Variants in OR14I1 observed in about 807,000 individuals in gnomAD.
The protein encoded by OR14I1 is olfactory receptor family 14 subfamily I member 1, also known as olfactory receptor 14I1.
For synonymous variants in OR14I1, 118 were observed against 71.1 expected (o/e 1.66, Z -3.32); for missense variants, 279 against 181.8 (o/e 1.53, Z -3.07).
At chr1:248,685,488 A>G (rs559910240), upstream of OR14I1, among the ~76,000 whole-genome samples, 3 of 152,298 alleles carry the variant, frequency 2.0e-5, no homozygotes, top group South Asian at 4.1e-4. Context: ...GGAGTATACT[A>G]TCTCCCGGGT....
chr1:248,687,432 C>T, the OR14I1 span, among the ~76,000 whole-genome samples: 8 of 152,270 alleles, frequency 5.3e-5, no homozygotes, highest in South Asian at 4.1e-4. Context: ...TTCTCATCTT[C>T]CTCCAAATCT....
chr1:248,682,802 T>C (rs1661587976), upstream of OR14I1, among the ~76,000 whole-genome samples: 5 of 152,224 alleles, frequency 3.3e-5, no homozygotes, highest in Admixed American at 3.3e-4. Flanking sequence ...TTGAATAAAT[T>C]GGGTGGTAAG....
At chr1:248,681,437 G>A (rs749745268) in exon 1 of OR14I1, 6 of 780,786 alleles carry the variant, frequency 7.7e-6, no homozygotes, top group Admixed American at 3.4e-5. Context: ...TTATTCCTAA[G>A]ACTATATATG....
At chr1:248,690,992 C>T in the OR14I1 span, among the ~76,000 whole-genome samples, 5 of 152,236 alleles carry the variant, frequency 3.3e-5, 1 homozygote, top group South Asian at 8.3e-4. Flanking sequence ...TGACAAAAAC[C>T]ACATGATTAT....
the OR14I1 span, among the ~76,000 whole-genome samples, chr1:248,690,814 G>A: frequency 4.0e-5 from 6 of 150,566 alleles, no homozygotes; most frequent in South Asian, 2.1e-4. Context: ...CACCAATATC[G>A]CTGATGAACA....
upstream of OR14I1, among the ~76,000 whole-genome samples, chr1:248,684,357 C>T (rs1355522432): frequency 2.0e-5 from 3 of 152,226 alleles, no homozygotes; most frequent in East Asian, 1.9e-4. Flanking sequence ...AGGGACGAAG[C>T]TCTTTGCTGC....
At chr1:248,678,251 T>C (rs1661507018), downstream of OR14I1, among the ~76,000 whole-genome samples, 1 of 152,198 alleles carries the variant, frequency 6.6e-6, no homozygotes, top group South Asian at 2.1e-4. Context: ...GTCATGAGGG[T>C]GTCCACAGGG....
downstream of OR14I1, among the ~76,000 whole-genome samples, chr1:248,680,363 G>A (rs1183357085): frequency 6.6e-6 from 1 of 152,222 alleles, no homozygotes; most frequent in African/African-American, 2.4e-5. Flanking sequence ...AGTGCCTAAT[G>A]GAGAGGTCAG....
upstream of OR14I1, among the ~76,000 whole-genome samples, chr1:248,684,755 TAC>T (rs1273119732): frequency 9.7e-3 from 104 of 10,750 alleles, no homozygotes; most frequent in Admixed American, 0.018. Context: ...TACACACACA[TAC>T]ATATATATAT....
chr1:248,685,540 C>A (rs190581257), upstream of OR14I1, among the ~76,000 whole-genome samples: 1 of 152,044 alleles, frequency 6.6e-6, no homozygotes, highest in East Asian at 1.9e-4. Flanking sequence ...AAAACTGCCA[C>A]GTGGCCAATT....
chr1:248,694,960 G>T, the OR14I1 span, among the ~76,000 whole-genome samples: 1 of 152,308 alleles, frequency 6.6e-6, no homozygotes, highest in Non-Finnish European at 1.5e-5. Context: ...TTTGAAATGA[G>T]ACTGGTGTGA....
chr1:248,688,380 G>T, the OR14I1 span, among the ~76,000 whole-genome samples: 1 of 152,142 alleles, frequency 6.6e-6, no homozygotes, highest in Non-Finnish European at 1.5e-5. Flanking sequence ...TTCCCTTTAG[G>T]GATGTAAATT....
chr1:248,687,280 T>G (rs1433151590), upstream of OR14I1, among the ~76,000 whole-genome samples: 1 of 152,246 alleles, frequency 6.6e-6, no homozygotes, highest in Non-Finnish European at 1.5e-5. Context: ...ATTGTTTTAC[T>G]TCATCACTAT....
chr1:248,682,696 T>C (rs28588165), upstream of OR14I1, among the ~76,000 whole-genome samples: 10,950 of 152,244 alleles, frequency 0.072, 446 homozygotes, highest in Non-Finnish European at 0.086. Context: ...TAATTTGCTT[T>C]TCATACAAGT....
At chr1:248,695,561 G>C in the OR14I1 span, among the ~76,000 whole-genome samples, 1 of 152,078 alleles carries the variant, frequency 6.6e-6, no homozygotes, top group Admixed American at 6.6e-5. Flanking sequence ...AATTACATTT[G>C]GATTGTGCTT....
At chr1:248,699,411 A>T in the OR14I1 span, among the ~76,000 whole-genome samples, 1 of 152,338 alleles carries the variant, frequency 6.6e-6, no homozygotes, top group East Asian at 1.9e-4. Flanking sequence ...GGTTTGATTA[A>T]GGAAAGATTG....
chr1:248,702,080 C>A, the OR14I1 span, among the ~76,000 whole-genome samples: 1 of 152,068 alleles, frequency 6.6e-6, no homozygotes, highest in Non-Finnish European at 1.5e-5. Context: ...AGAATTCACC[C>A]ACTATCATGA....
At chr1:248,698,479 C>T in the OR14I1 span, among the ~76,000 whole-genome samples, 1 of 152,152 alleles carries the variant, frequency 6.6e-6, no homozygotes, top group Non-Finnish European at 1.5e-5. Context: ...CACAGACATA[C>T]CCCCTCCCCT....
upstream of OR14I1, among the ~76,000 whole-genome samples, chr1:248,684,757 C>CATACATATATATATATATATATAT (rs1661616628): frequency 6.9e-6 from 1 of 145,064 alleles, no homozygotes; most frequent in African/African-American, 2.6e-5. Flanking sequence ...CACACACATA[C>CATACATATATATATATATATATAT]ATATATATAT....
Sources: gnomAD v4.1 joint callset for allele counts (sites outside exome capture counted in the v4.1 genomes callset) on GRCh38, gnomAD v4.1.1 for gene constraint, MANE v1.5 for transcripts, NCBI Gene and HGNC (gene_info 2026-07-23, HGNC 2026-07-21) for gene names.